COL24A1: variants seen among roughly 807,000 people sequenced by gnomAD.
COL24A1 encodes the protein collagen alpha-1(XXIV) chain.
Under a neutral mutation model 253.9 loss-of-function variants are expected in COL24A1, and 224 were observed. The ratio of observed to expected loss-of-function variants is 0.88; its 90% CI spans 0.79 to 0.99. The LOEUF (loss-of-function observed/expected upper bound fraction) is 0.99, where lower values mean the gene tolerates loss of function less well. COL24A1 is among the 50% of genes least tolerant of loss of function. COL24A1 has a pLI of 0.00. For synonymous variants in COL24A1, 685 were observed against 673.7 expected, an observed-to-expected ratio of 1.02 and a Z score of -0.26; for missense variants, 2,131 against 2,068.5, an observed-to-expected ratio of 1.03 and a Z score of -0.59.
chr1:85,761,637 TA>T, intron 53 of COL24A1, 71 bp from the exon 54 acceptor site: 2 of 1,475,690 alleles, frequency 1.4e-6, no homozygotes, highest in Non-Finnish European at 1.9e-6. Context: ...AGATAACTAA[TA>T]TTCAACCTCT....
chr1:86,079,788 TG>T (rs1393777216), intron 7 of COL24A1, among the ~76,000 whole-genome samples: 5 of 152,174 alleles, frequency 3.3e-5, no homozygotes, highest in African/African-American at 9.6e-5. Context: ...GGCGAGGATG[TG>T]GAAAAAGGAG....
chr1:85,841,507 T>C (rs1439663847), intron 41 of COL24A1, among the ~76,000 whole-genome samples: 1 of 152,192 alleles, frequency 6.6e-6, no homozygotes, highest in Admixed American at 6.5e-5. Context: ...AAGAAGCAGC[T>C]CAGGAATTTT....
At chr1:85,799,021 A>G (rs1266452520) in intron 47 of COL24A1, among the ~76,000 whole-genome samples, 1 of 152,128 alleles carries the variant, frequency 6.6e-6, no homozygotes, top group Non-Finnish European at 1.5e-5. Context: ...TGAAAACATC[A>G]TGGTAGACTC....
intron 47 of COL24A1, among the ~76,000 whole-genome samples, chr1:85,797,958 C>T (rs1276676863): frequency 1.3e-5 from 2 of 151,902 alleles, no homozygotes; most frequent in African/African-American, 2.4e-5. Context: ...TTTGGGAGGC[C>T]GAGGTGGGAT....
In COL24A1 at chr1:85,785,556, G is replaced by C. The variant is rs562666412; in HGVS notation, c.4059+798C>G. On this transcript the variant is annotated intron_variant, in intron 48 of 59. Transcript: ENST00000370571. ...CATGGGATCTTTACTTCTTTTCCTG[G>C]CTTTAGCATTTGCTTAGCTGCTTTG... 9.2e-5 allele frequency among the ~76,000 whole-genome samples: 14 copies of C among 152,234 alleles called. No individual in the cohort carries two copies. The East Asian group carries it at 2.3e-3, about 25-fold the overall frequency.
At chr1:86,067,412 T>C (rs72716145) in intron 7 of COL24A1, among the ~76,000 whole-genome samples, 12,734 of 152,216 alleles carry the variant, frequency 0.084, 572 homozygotes, top group Middle Eastern at 0.14. Flanking sequence ...TTAATTTAAG[T>C]TACTGTACTC....
At chr1:86,087,598 T>G (rs538087735) in intron 7 of COL24A1, among the ~76,000 whole-genome samples, 162 of 152,086 alleles carry the variant, frequency 1.1e-3, no homozygotes, top group African/African-American at 3.8e-3. Context: ...AATGAGTAGT[T>G]TATTCTTCTG....
chr1:86,032,933 AAAAT>A (rs1698694515), intron 13 of COL24A1, among the ~76,000 whole-genome samples: 1 of 152,198 alleles, frequency 6.6e-6, no homozygotes, highest in African/African-American at 2.4e-5. Context: ...AATGGCATTA[AAAAT>A]AAATAATGTC....
chr1:85,745,361 A>G lies in COL24A1; in HGVS notation c.4503+80T>C, dbSNP rs1030425178. 3.6e-6 allele frequency: 3 copies of G among 840,938 alleles called. No individual in the cohort carries two copies. In the Admixed American group the frequency reaches 8.1e-5, roughly 23 times the overall value. 52.1% of individuals were successfully genotyped at this position (840,938 alleles called of 1,614,324 possible). A position where few individuals can be genotyped will look rare whatever the true frequency, so the allele number is the denominator to read the frequency against. On this transcript the variant is annotated intron_variant, in intron 56 of 59. Coordinates refer to ENST00000370571, the MANE Select transcript of COL24A1 (RefSeq NM_152890.7). ...AATACAATCTTTGAGATAATGTCACATTTTGGCCTCCAAAAATTTTCTCTG... is the reference window on the plus strand; with the variant it reads ...AATACAATCTTTGAGATAATGTCACGTTTTGGCCTCCAAAAATTTTCTCTG...
At chr1:85,763,617 G>A (rs188703226) in intron 53 of COL24A1, among the ~76,000 whole-genome samples, 20 of 148,668 alleles carry the variant, frequency 1.3e-4, no homozygotes, top group African/African-American at 2.5e-4. Context: ...TCAGCCTTCC[G>A]AGTAGCTGGG....
chr1:85,947,339 C>T (rs12723176), intron 24 of COL24A1, among the ~76,000 whole-genome samples: 35,074 of 152,084 alleles, frequency 0.23, 4,483 homozygotes, highest in African/African-American at 0.29. Flanking sequence ...GGTGAACCCC[C>T]ATTTACAATC....
intron 19 of COL24A1, among the ~76,000 whole-genome samples, chr1:86,014,682 T>G (rs1176558797): frequency 6.6e-6 from 1 of 152,172 alleles, no homozygotes; most frequent in Non-Finnish European, 1.5e-5. Flanking sequence ...CAAAAAGTGT[T>G]CAAATTGCCT....
At chr1:85,934,940 C>T (rs145716861) in intron 24 of COL24A1, among the ~76,000 whole-genome samples, 2 of 151,718 alleles carry the variant, frequency 1.3e-5, no homozygotes, top group Non-Finnish European at 2.9e-5. Flanking sequence ...GATTCCACAT[C>T]TAACACACAA....
intron 10 of COL24A1, among the ~76,000 whole-genome samples, chr1:86,050,640 T>C (rs994255744): frequency 1.3e-5 from 2 of 152,058 alleles, no homozygotes; most frequent in Non-Finnish European, 2.9e-5. Context: ...TCTTGGTAAA[T>C]AGAGACATAA....
At chr1:85,808,968 C>T (rs965821304) in intron 47 of COL24A1, among the ~76,000 whole-genome samples, 2 of 152,198 alleles carry the variant, frequency 1.3e-5, no homozygotes, top group African/African-American at 4.8e-5. Context: ...GTGTGGAAAA[C>T]TGTCCTTGTG....
intron 43 of COL24A1, among the ~76,000 whole-genome samples, chr1:85,834,412 A>G (rs918763863): frequency 2.0e-5 from 3 of 152,172 alleles, no homozygotes; most frequent in African/African-American, 7.2e-5. Flanking sequence ...CACTGAATTG[A>G]GGACATAACA....
rs79683227 is a variant in COL24A1 at position 85,865,905 on chromosome 1, G to A, written c.3300+2614C>T. On this transcript the variant is annotated intron_variant, in intron 37 of 59. Coordinates refer to ENST00000370571, the MANE Select transcript of COL24A1 (RefSeq NM_152890.7). The stretch of plus-strand genomic sequence containing the variant: ...AAGATGAAAATTATTAAGAACTCTA[G>A]AAAGGAAAAATATGGGGCCAAAGCT... Among the ~76,000 whole-genome samples, 1,417 of 152,228 alleles carry A rather than the reference G, an allele frequency of 9.3e-3. 14 individuals carry two copies. Among genetic ancestry groups the A allele is most frequent in the Non-Finnish European group, 0.015 (1,050 of 68,006 alleles).
chr1:85,745,642 G>A (rs10747324), intron 55 of COL24A1, 136 bp from the exon 56 acceptor site: 504,692 of 541,178 alleles, frequency 0.93, 236,683 homozygotes, highest in Non-Finnish European at 0.97. Context: ...TAACTCTTAC[G>A]GTTAGACAGA....
chr1:86,127,739 G>A (rs1294044873), intron 2 of COL24A1, among the ~76,000 whole-genome samples: 2 of 151,954 alleles, frequency 1.3e-5, no homozygotes, highest in Non-Finnish European at 2.9e-5. Context: ...TTTTCCTTTT[G>A]TAGGAAATTA....
Sources: allele counts gnomAD v4.1 joint callset (sites outside exome capture counted in the v4.1 genomes callset), GRCh38; gene constraint gnomAD v4.1.1; transcripts MANE v1.5; gene names NCBI Gene and HGNC (gene_info 2026-07-23, HGNC 2026-07-21).